The following CFAP46 variants were observed in gnomAD, a reference collection of about 807,000 sequenced individuals.
CFAP46 encodes the protein cilia and flagella associated protein 46.
A neutral mutation model predicts 325.7 loss-of-function variants in CFAP46; 245 were observed. That is an observed-to-expected ratio of 0.75 (90% CI 0.68 to 0.84). The LOEUF is 0.84. Among genes scored for constraint, CFAP46 ranks in the 40% least tolerant of loss-of-function variants. CFAP46 has a pLI of 0.00. For synonymous variants in CFAP46, 1,523 were observed against 1,495.9 expected, an observed-to-expected ratio of 1.02 and a Z score of -0.42; for missense variants, 3,346 against 3,543.0, an observed-to-expected ratio of 0.94 and a Z score of 1.41.
At position 132,917,450 on chromosome 10, in the gene CFAP46, C is replaced by T. The variant is rs369576022; in HGVS notation, c.1987-768G>A. ...TTCTACCTGCTGACTTTGGGCAGGG[C>T]GAGCCCGGGAGTCTCTGAGCCTGCG... is the stretch of plus-strand genomic sequence containing the variant. On this transcript the variant is annotated intron_variant, in intron 16 of 57. Transcript: ENST00000368586. Among the ~76,000 whole-genome samples the T allele has an allele frequency of 2.1e-4, 32 of 152,356 alleles. No individual in the cohort carries two copies. The East Asian group carries it at 4.8e-3, about 23-fold the overall frequency.
intron 25 of CFAP46, among the ~76,000 whole-genome samples, chr10:132,887,162 C>T (rs111210387): frequency 3.0e-5 from 1 of 33,642 alleles, no homozygotes; most frequent in African/African-American, 3.2e-4. Context: ...TCTCTCCTCT[C>T]TCTTCTTTCC....
rs193211688 is a variant in CFAP46 at position 132,864,949 on chromosome 10, G to A, written c.4890+1076C>T. Among the ~76,000 whole-genome samples the A allele has an allele frequency of 9.3e-3, 1,392 of 150,374 alleles. 11 individuals are homozygous for A. The highest frequency in any genetic ancestry group is 0.044 in the South Asian group (207 of 4,714). ...CACCTGCCCTCAGTGCCTGAGACCTGCACATACCTGTCCTCAGTGCCAGAG... is the reference window on the plus strand; with the variant it reads ...CACCTGCCCTCAGTGCCTGAGACCTACACATACCTGTCCTCAGTGCCAGAG... On this transcript the variant is annotated intron_variant, in intron 35 of 57. Transcript: ENST00000368586.
Position 132,934,789 on chromosome 10 carries a change from A to T in CFAP46, c.829T>A (p.Tyr277Asn). The part of the protein sequence containing the change: ...LRKAYRHLGH[Y>N]NHQRFPSISE... ...ATAGAGGGAAAGCGCTGGTGGTTGT[A>T]ATGACCTAAGTGTCTGTAGGCCTTC... The change falls in exon 8 of 58, where the codon TAC (tyrosine) becomes AAC (asparagine). Residue 277 changes from tyrosine to asparagine, a missense_variant. By Grantham distance (143) the Tyr-to-Asn change is moderately radical. Transcript: ENST00000368586. The T allele has an allele frequency of 6.2e-7, 1 of 1,612,448 alleles. No homozygotes were observed. The highest frequency in any genetic ancestry group is 8.5e-7 in the Non-Finnish European group (1 of 1,178,646).
Position 132,886,002 on chromosome 10 carries a change from C to G in CFAP46, c.3305-43G>C. 2 of 1,541,836 alleles carry G rather than the reference C, an allele frequency of 1.3e-6. No homozygotes were observed. Among genetic ancestry groups the G allele is most frequent in the Non-Finnish European group, 1.8e-6 (2 of 1,140,682 alleles). On this transcript the variant is annotated intron_variant, in intron 25 of 57. Transcript: ENST00000368586. The surrounding 1 kb of genome is among the most constrained non-coding windows in gnomAD (Gnocchi z 5.8). ...GGGTGTCCTTGGAGCCGCCTGATCC[C>G]TCATCAAAGGCGCCCTCGGACCTCC...
At position 132,857,695 on chromosome 10, in the gene CFAP46, T is replaced by C. The variant is rs763441208; in HGVS notation, c.5469A>G (p.Glu1823=). 9 of 1,613,502 alleles carry C rather than the reference T, an allele frequency of 5.6e-6. No homozygotes were observed. In the East Asian group the frequency reaches 2.0e-4, roughly 36 times the overall value. The change falls in exon 39 of 58, where the codon GAA becomes GAG. Residue 1823 remains glutamate (E), a synonymous_variant. Transcript: ENST00000368586. ...AGCCCTGGATGCTGTGAAGCCTCCC[T>C]TCTTCCTCAGCTACGGCACCCTGGG... is the stretch of plus-strand genomic sequence containing the variant. ...GLAQGAVAEE[E]GRLHSIQGLY... is the part of the protein sequence containing the mutation.
Position 132,814,702 on chromosome 10 carries a change from G to A in CFAP46, c.7233C>T (p.Asp2411=). ...RTIPPDCIIV[D]SDNFKFVVDP... is the part of the protein sequence containing the mutation. ...AAAGGATACACTTGAAGTTGTCTGA[G>A]TCGACTATGATGCAGTCAGGGGGGA... The change falls in exon 52 of 58, where the codon GAC becomes GAT. Residue 2411 remains aspartate, a synonymous_variant. Transcript: ENST00000368586. 1 of 1,609,186 alleles carries A rather than the reference G, an allele frequency of 6.2e-7. No individual in the cohort carries two copies. Among genetic ancestry groups the A allele is most frequent in the Non-Finnish European group, 8.5e-7 (1 of 1,177,638 alleles).
chr10:132,822,107 TG>T (rs1847859882), intron 50 of CFAP46, among the ~76,000 whole-genome samples: 1 of 142,976 alleles, frequency 7.0e-6, no homozygotes, highest in Non-Finnish European at 1.5e-5. Flanking sequence ...TGAGTGCTGA[TG>T]TGTGCTGTGT....
At chr10:132,917,451 G>A (rs963266522) in intron 16 of CFAP46, among the ~76,000 whole-genome samples, 1 of 152,254 alleles carries the variant, frequency 6.6e-6, no homozygotes, top group Admixed American at 6.5e-5. Context: ...TGGGCAGGGC[G>A]AGCCCGGGAG....
intron 22 of CFAP46, among the ~76,000 whole-genome samples, chr10:132,907,699 G>T (rs1036593683): frequency 6.6e-6 from 1 of 152,168 alleles, no homozygotes; most frequent in Non-Finnish European, 1.5e-5. Flanking sequence ...AAATTCCCAT[G>T]CTGGGCGATC....
Position 132,916,640 on chromosome 10 carries a change from C to T in CFAP46, c.2029G>A (p.Asp677Asn), listed in dbSNP as rs1354801118. 1 of 1,536,212 alleles carries T rather than the reference C, an allele frequency of 6.5e-7. No homozygotes were observed. Among genetic ancestry groups the T allele is most frequent in the Non-Finnish European group, 8.8e-7 (1 of 1,140,490 alleles). ...AGGTCTTCGGGGGGGATGGCCCGGT[C>T]ATTCAGCTCTACACCTTCTGACCGC... Reference protein sequence around the residue: ...LLRSEGVELNDRAIPPEDLSQ... With the variant: ...LLRSEGVELNNRAIPPEDLSQ... The change falls in exon 17 of 58, where the codon GAC becomes AAC. Residue 677 changes from aspartate to asparagine, a missense_variant. Physicochemically the swap from Asp to Asn is conservative, Grantham distance 23. Transcript: ENST00000368586.
chr10:132,857,330 G>A (rs9419243), intron 39 of CFAP46, among the ~76,000 whole-genome samples: 12,160 of 152,278 alleles, frequency 0.08, 509 homozygotes, highest in Non-Finnish European at 0.092. Flanking sequence ...GGTCACCAGC[G>A]GACTCCACCT....
chr10:132,902,327 T>C (rs1849402885), intron 22 of CFAP46, among the ~76,000 whole-genome samples: 2 of 111,418 alleles, frequency 1.8e-5, no homozygotes, highest in African/African-American at 5.7e-5. Flanking sequence ...GTTCATTTAG[T>C]TTCTCCGTTT....
intron 4 of CFAP46, among the ~76,000 whole-genome samples, chr10:132,940,709 T>G (rs1053954416): frequency 6.6e-6 from 1 of 152,114 alleles, no homozygotes; most frequent in African/African-American, 2.4e-5. Flanking sequence ...TCCCCAGCAG[T>G]TGGGATTACA....
chr10:132,890,336 A>G (rs1849237220), intron 25 of CFAP46, among the ~76,000 whole-genome samples: 1 of 152,216 alleles, frequency 6.6e-6, no homozygotes, highest in Non-Finnish European at 1.5e-5. Context: ...AGGGCTGACA[A>G]GAATCACATG....
chr10:132,885,028 G>A, intron 27 of CFAP46, 75 bp downstream of exon 27: 1 of 1,444,624 alleles, frequency 6.9e-7, no homozygotes, highest in Non-Finnish European at 9.3e-7. Flanking sequence ...TCCCTGCTGA[G>A]CTTCTGTCCA....
chr10:132,936,896 C>G (rs1850016492), intron 7 of CFAP46, 65 bp downstream of exon 7: 3 of 984,780 alleles, frequency 3.0e-6, no homozygotes, highest in East Asian at 2.7e-5. Context: ...ATGGAGGGGA[C>G]AGAGCTCTCC....
chr10:132,826,174 G>A (rs28713381), intron 50 of CFAP46, among the ~76,000 whole-genome samples: 43 of 69,782 alleles, frequency 6.2e-4, no homozygotes, highest in South Asian at 3.1e-3. Context: ...CCGGAGCCAC[G>A]GAGACCAGCC....
At chr10:132,887,470 TCTCTC>T (rs1411069759) in intron 25 of CFAP46, among the ~76,000 whole-genome samples, 2 of 119,808 alleles carry the variant, frequency 1.7e-5, no homozygotes, top group Non-Finnish European at 1.7e-5. Flanking sequence ...CCCTCTTCTC[TCTCTC>T]CTCTCCTCTC....
At position 132,812,871 on chromosome 10, in the gene CFAP46, C is replaced by T; in HGVS notation, c.7415G>A (p.Gly2472Asp). 2 of 1,609,710 alleles carry T rather than the reference C, an allele frequency of 1.2e-6. No individual in the cohort carries two copies. Among genetic ancestry groups the T allele is most frequent in the Admixed American group, 1.7e-5 (1 of 60,012 alleles). ...PSQAQWEQAL[G>D]SCSGFFFYGM... ...ATAGAAGAAGAAACCGCTGCAGCTG[C>T]CCAGGGCCTGCTCCCACTGGGCCTG... The change falls in exon 55 of 58, where the codon GGC (glycine) becomes GAC (aspartate). Residue 2472 changes from glycine (G) to aspartate (D), a missense_variant. Transcript: ENST00000368586.
Sources: gnomAD v4.1 joint callset for allele counts (sites outside exome capture counted in the v4.1 genomes callset) on GRCh38, gnomAD v4.1.1 for gene constraint, Gnocchi (gnomAD v3.1) non-coding constraint, MANE v1.5 for transcripts, NCBI Gene and HGNC (gene_info 2026-07-23, HGNC 2026-07-21) for gene names.